The following AZIN2 variants were observed in gnomAD, a reference collection of about 807,000 sequenced individuals.
AZIN2 encodes antizyme inhibitor 2, also known as ODC antizyme inhibitor-2.
AZIN2 carries 28 observed loss-of-function variants against 47.8 expected under a neutral mutation model. The ratio of observed to expected loss-of-function variants is 0.59; its 90% CI spans 0.43 to 0.80. AZIN2 has a LOEUF of 0.80. AZIN2 is among the 30% of genes least tolerant of loss of function. AZIN2 has a pLI of 0.00. For missense variants in AZIN2, 535 were observed against 582.5 expected, an observed-to-expected ratio of 0.92 and a Z score of 0.84; for synonymous variants, 221 against 239.4, an observed-to-expected ratio of 0.92 and a Z score of 0.71.
chr1:33,114,454 C>T (rs1644435158), intron 10 of AZIN2, among the ~76,000 whole-genome samples: 5 of 144,764 alleles, frequency 3.5e-5, no homozygotes, highest in East Asian at 4.1e-4. Flanking sequence ...TCCGGGTTCA[C>T]GCCATTCTCC....
the AZIN2 span, chr1:33,165,295 T>C: frequency 1.8e-6 from 1 of 556,610 alleles, no homozygotes; most frequent in Non-Finnish European, 3.2e-6. This position sits in a 1 kb window ranked among gnomAD's most constrained non-coding sequence, Gnocchi z 4.0. Context: ...CCCATTGAAC[T>C]TCACGGATGC....
At chr1:33,152,552 A>G in the AZIN2 span, among the ~76,000 whole-genome samples, 1 of 148,004 alleles carries the variant, frequency 6.8e-6, no homozygotes, top group Non-Finnish European at 1.5e-5. Flanking sequence ...GGGCAACAAG[A>G]GTGAAACTCC....
chr1:33,158,453 G>C, the AZIN2 span: 1 of 1,047,076 alleles, frequency 9.6e-7, no homozygotes, highest in Admixed American at 1.8e-5. Context: ...CTTCAGGGCA[G>C]CTGGCATAGG....
At chr1:33,104,774 C>G (rs190616246) in intron 10 of AZIN2, among the ~76,000 whole-genome samples, 189 of 152,324 alleles carry the variant, frequency 1.2e-3, no homozygotes, top group Non-Finnish European at 2.1e-3. Context: ...GTCATGCTCA[C>G]TGTAGCCTCC....
the AZIN2 span, among the ~76,000 whole-genome samples, chr1:33,161,134 G>A: frequency 4.6e-5 from 7 of 152,342 alleles, no homozygotes; most frequent in African/African-American, 7.2e-5. The surrounding 1 kb of genome is among the most constrained non-coding windows in gnomAD (Gnocchi z 4.3). Flanking sequence ...ATGAAATGAG[G>A]GGGTGTTGTT....
At chr1:33,125,842 T>C (rs190598780), downstream of AZIN2, among the ~76,000 whole-genome samples, 96 of 152,256 alleles carry the variant, frequency 6.3e-4, no homozygotes, top group African/African-American at 2.2e-3. Flanking sequence ...TGCTCAAATG[T>C]AATGTTCTCA....
chr1:33,135,220 C>T, the AZIN2 span, among the ~76,000 whole-genome samples: 3 of 152,112 alleles, frequency 2.0e-5, no homozygotes, highest in East Asian at 1.9e-4. Context: ...AACCTTGAAG[C>T]GAGGTTGCAG....
At chr1:33,125,967 G>C (rs905312506), downstream of AZIN2, among the ~76,000 whole-genome samples, 7 of 152,306 alleles carry the variant, frequency 4.6e-5, no homozygotes, top group African/African-American at 1.7e-4. Context: ...TTTGAGGCCA[G>C]CCTGGGCAAC....
the AZIN2 span, among the ~76,000 whole-genome samples, chr1:33,137,220 A>G: frequency 2.0e-5 from 3 of 152,226 alleles, no homozygotes; most frequent in Admixed American, 1.3e-4. Flanking sequence ...GGAGGCTAAT[A>G]AGGAGCACAG....
In AZIN2 at chr1:33,098,119, G is replaced by A. The variant is rs754745914; in HGVS notation, c.969G>A (p.Val323=). The A allele has an allele frequency of 1.9e-6, 3 of 1,614,112 alleles. No homozygotes were observed. The highest frequency in any genetic ancestry group is 1.7e-5 in the Admixed American group (1 of 60,002). Residue 323 remains valine, a synonymous_variant, in exon 10 of 12, where the codon GTG becomes GTA. Transcript: ENST00000294517. ...KTIVYHLDEG[V]YGIFNSVLFD... ...TCGTGTACCACCTTGATGAGGGCGT[G>A]TATGGGATCTTCAACTCAGTCCTGT...
rs780255403 is a variant in AZIN2 at position 33,098,159 on chromosome 1, C to T, written c.1009C>T (p.Pro337Ser). The stretch of plus-strand genomic sequence containing the variant: ...CTCAGTCCTGTTTGACAACATCTGC[C>T]CTACCCCCATCCTGCAGAAGGTGAG... ...FNSVLFDNICPTPILQKKPST... is the reference protein window; with the variant it reads ...FNSVLFDNICSTPILQKKPST... The change falls in exon 10 of 12, where the codon CCT (proline) becomes TCT (serine). Residue 337 changes from proline (P) to serine (S), a missense_variant. Physicochemically the swap from Pro to Ser is moderately conservative, Grantham distance 74 (BLOSUM62 -1). This residue lies in a region of AZIN2 where 409 missense variants were observed against 429.0 expected (regional missense o/e 0.95). Coordinates refer to ENST00000294517, the MANE Select transcript of AZIN2 (RefSeq NM_052998.4). 12 of 1,612,302 alleles carry T rather than the reference C, an allele frequency of 7.4e-6. No homozygotes were observed. Among genetic ancestry groups the T allele is most frequent in the South Asian group, 1.1e-5 (1 of 90,770 alleles).
chr1:33,096,682 T>G (rs1461592087), intron 8 of AZIN2, 25 bp from the exon 9 acceptor site: 1 of 1,612,906 alleles, frequency 6.2e-7, no homozygotes, highest in South Asian at 1.1e-5. Context: ...AACACATAAT[T>G]GTCTCCCCAT....
the AZIN2 span, among the ~76,000 whole-genome samples, chr1:33,157,504 C>G: frequency 3.3e-5 from 5 of 152,176 alleles, no homozygotes; most frequent in Admixed American, 3.3e-4. Flanking sequence ...TATTCTTTGT[C>G]AGTATCTAAT....
chr1:33,110,584 T>G (rs938538013), intron 10 of AZIN2, among the ~76,000 whole-genome samples: 1 of 152,088 alleles, frequency 6.6e-6, no homozygotes, highest in Non-Finnish European at 1.5e-5. Context: ...ATGAAAAATA[T>G]GAAAATTGAA....
At chr1:33,165,492 C>T in the AZIN2 span, 3 of 1,608,140 alleles carry the variant, frequency 1.9e-6, no homozygotes, top group Non-Finnish European at 2.5e-6. The surrounding 1 kb of genome is among the most constrained non-coding windows in gnomAD (Gnocchi z 4.0). Flanking sequence ...CCAGTTGTCG[C>T]TTGAGCAGCT....
chr1:33,099,463 A>C (rs538160164), intron 10 of AZIN2, among the ~76,000 whole-genome samples: 44 of 152,288 alleles, frequency 2.9e-4, no homozygotes, highest in Non-Finnish European at 5.4e-4. Flanking sequence ...ATCCTACTGC[A>C]CTGAGAAGGG....
downstream of AZIN2, among the ~76,000 whole-genome samples, chr1:33,124,412 G>GA (rs67196308): frequency 9.6e-3 from 1,453 of 151,700 alleles, 30 homozygotes; most frequent in East Asian, 0.08. This position sits in a 1 kb window ranked among gnomAD's most constrained non-coding sequence, Gnocchi z 4.6. Context: ...ATAAAAAAAA[G>GA]AAAAAAAAGT....
At position 33,098,192 on chromosome 1, in the gene AZIN2, C is replaced by G. The variant is rs200375951; in HGVS notation, c.1029+13C>G. 8.2e-6 allele frequency: 13 copies of G among 1,576,790 alleles called. No individual in the cohort carries two copies. Among genetic ancestry groups the G allele is most frequent in the African/African-American group, 1.4e-5 (1 of 74,038 alleles). The stretch of plus-strand genomic sequence containing the variant: ...CATCCTGCAGAAGGTGAGCTTACCC[C>G]ACGTGGGCCTGTTTTCAGTTGTGTG... On this transcript the variant is annotated intron_variant, in intron 10 of 11. Coordinates refer to ENST00000294517, the MANE Select transcript of AZIN2 (RefSeq NM_052998.4).
chr1:33,147,500 G>T, the AZIN2 span: 306 of 1,613,170 alleles, frequency 1.9e-4, no homozygotes, highest in Non-Finnish European at 2.2e-4. This position sits in a 1 kb window ranked among gnomAD's most constrained non-coding sequence, Gnocchi z 8.1. Flanking sequence ...GCGGCTTCGT[G>T]TGCCAGCCCG....
Sources: allele counts gnomAD v4.1 joint callset (sites outside exome capture counted in the v4.1 genomes callset), GRCh38; gene constraint gnomAD v4.1.1; regional missense constraint gnomAD v4.1.1; non-coding constraint Gnocchi (gnomAD v3.1); transcripts MANE v1.5; gene names NCBI Gene and HGNC (gene_info 2026-07-23, HGNC 2026-07-21).